The following CRKL variants were observed in gnomAD, a reference collection of about 807,000 sequenced individuals.
The protein encoded by CRKL is CRK like proto-oncogene, adaptor protein.
Under a neutral mutation model 23.0 loss-of-function variants are expected in CRKL, and 3 were observed. The observed-to-expected ratio is 0.13, with a 90% CI of 0.06 to 0.34. The LOEUF (loss-of-function observed/expected upper bound fraction) is 0.34, where lower values mean the gene tolerates loss of function less well. Ranked by LOEUF, CRKL falls within the 10% of genes least tolerant of loss-of-function variation. CRKL has a pLI of 1.00. For synonymous variants in CRKL, 188 were observed against 160.7 expected (o/e 1.17, Z -1.28); for missense variants, 256 against 394.5 (o/e 0.65, Z 2.97).
At chr22:20,942,151 CTGATA>C (rs1179827138) in intron 2 of CRKL, among the ~76,000 whole-genome samples, 1 of 152,206 alleles carries the variant, frequency 6.6e-6, no homozygotes, top group East Asian at 1.9e-4. Flanking sequence ...TTCTACCTAC[CTGATA>C]TAAGTAAAAT....
intron 1 of CRKL, among the ~76,000 whole-genome samples, chr22:20,922,234 G>A (rs972569073): frequency 4.6e-5 from 7 of 151,644 alleles, no homozygotes; most frequent in Non-Finnish European, 8.8e-5. Flanking sequence ...TGTTGGCCAG[G>A]ATGGTCCCTA....
chr22:20,918,289 G>A (rs769663177), intron 1 of CRKL, 44 bp downstream of exon 1: 3 of 1,595,418 alleles, frequency 1.9e-6, no homozygotes, highest in South Asian at 1.1e-5. Context: ...GTCGAGAACC[G>A]GGTCTGTCGA....
rs532930393 is a variant in CRKL, at chr22:20,927,192, A to ATTTTTTTTTTTTTTTTT, written c.312-6585_312-6569dup. On this transcript the variant is annotated intron_variant, in intron 1 of 2. Coordinates refer to ENST00000354336, the MANE Select transcript of CRKL (RefSeq NM_005207.4). The stretch of plus-strand genomic sequence containing the variant: ...AGTACTTAGCTCATCTTGGAATTGA[A>ATTTTTTTTTTTTTTTTT]TTTTTTTTTTTTTTTTTTGAGACAG... Among the ~76,000 whole-genome samples, 157 of 81,960 alleles carry ATTTTTTTTTTTTTTTTT rather than the reference A, an allele frequency of 1.9e-3. 21 individuals carry two copies. The highest frequency in any genetic ancestry group is 8.0e-3 in the African/African-American group (136 of 16,960). The allele number at this position is 81,960 out of a possible 152,430, so 53.8% of individuals were successfully genotyped here.
intron 1 of CRKL, among the ~76,000 whole-genome samples, chr22:20,921,960 G>A (rs988021925): frequency 3.9e-4 from 58 of 149,472 alleles, no homozygotes; most frequent in African/African-American, 1.4e-3. Flanking sequence ...CGCCCGCCTC[G>A]GCCTCCCAAA....
At chr22:20,922,387 C>T (rs1921026705) in intron 1 of CRKL, among the ~76,000 whole-genome samples, 1 of 151,948 alleles carries the variant, frequency 6.6e-6, no homozygotes, top group Non-Finnish European at 1.5e-5. Context: ...AGATCAGGGT[C>T]AGGAATTGGG....
chr22:20,917,577 C>T lies in CRKL; in HGVS notation c.-358C>T, dbSNP rs1929735549. ...CGGGGGTCGGTGAAGACCCGTCGAG[C>T]TGCGGCGCCGGCGCGTTCCAGGCCG... On this transcript the variant is annotated 5_prime_UTR_variant, in exon 1 of 3. Coordinates refer to ENST00000354336, the MANE Select transcript of CRKL (RefSeq NM_005207.4). 2 of 318,586 alleles carry T rather than the reference C, an allele frequency of 6.3e-6. No individual in the cohort carries two copies. The highest frequency in any genetic ancestry group is 1.6e-4 in the South Asian group (2 of 12,610). 19.7% of individuals were successfully genotyped at this position (318,586 alleles called of 1,614,324 possible).
rs528149365 is a variant in CRKL at position 20,942,847 on chromosome 22, G to A, written c.778-6864G>A. ...CATGTTAGCCAGGCTTTGAACTCCT[G>A]ACCTCAACTGATCGCTCACCTCAGC... is the stretch of plus-strand genomic sequence containing the variant. On this transcript the variant is annotated intron_variant, in intron 2 of 2. Coordinates refer to ENST00000354336, the MANE Select transcript of CRKL (RefSeq NM_005207.4). Among the ~76,000 whole-genome samples the A allele has an allele frequency of 7.2e-5, 11 of 152,202 alleles. No homozygotes were observed. In the South Asian group the frequency reaches 2.3e-3, roughly 32 times the overall value.
intron 2 of CRKL, among the ~76,000 whole-genome samples, chr22:20,949,366 A>G (rs938453185): frequency 1.3e-5 from 2 of 152,134 alleles, no homozygotes; most frequent in Non-Finnish European, 2.9e-5. Context: ...ACCTCAAGTA[A>G]TCCCAGGAGT....
chr22:20,943,694 C>A (rs1173915245), intron 2 of CRKL, among the ~76,000 whole-genome samples: 1 of 152,186 alleles, frequency 6.6e-6, no homozygotes, highest in Non-Finnish European at 1.5e-5. Context: ...GCACCCTAGT[C>A]AAAAATCAGT....
rs1327344813 is a variant in CRKL, at chr22:20,917,952, C to T, written c.18C>T (p.Phe6=). The part of the protein sequence containing the change: MSSAR[F]DSSDRSAWYM... ...CCAACACCATGTCCTCCGCCAGGTT[C>T]GACTCCTCGGACCGCTCCGCCTGGT... The change falls in exon 1 of 3, where the codon TTC becomes TTT. Residue 6 remains phenylalanine (F), a synonymous_variant. Coordinates refer to ENST00000354336, the MANE Select transcript of CRKL (RefSeq NM_005207.4). 1 of 1,613,804 alleles carries T rather than the reference C, an allele frequency of 6.2e-7. No individual in the cohort carries two copies. Among genetic ancestry groups the T allele is most frequent in the Non-Finnish European group, 8.5e-7 (1 of 1,179,934 alleles).
At chr22:20,945,271 G>T (rs1406308446) in intron 2 of CRKL, among the ~76,000 whole-genome samples, 2 of 152,120 alleles carry the variant, frequency 1.3e-5, no homozygotes, top group African/African-American at 4.8e-5. Context: ...GGGATTACAG[G>T]CATGAGCCAC....
At chr22:20,936,028 C>T (rs1921646741) in intron 2 of CRKL, among the ~76,000 whole-genome samples, 1 of 152,068 alleles carries the variant, frequency 6.6e-6, no homozygotes, top group Non-Finnish European at 1.5e-5. Context: ...ACGTGGTGGG[C>T]ATGCACCTGT....
At position 20,941,588 on chromosome 22, in the gene CRKL, A is replaced by ATATATTTTTT. The variant is rs1247116681; in HGVS notation, c.777+7345_777+7346insATATTTTTTT. Among the ~76,000 whole-genome samples, 54 of 33,538 alleles carry ATATATTTTTT rather than the reference A, an allele frequency of 1.6e-3. 8 individuals are homozygous for ATATATTTTTT. The highest frequency in any genetic ancestry group is 2.2e-3 in the African/African-American group (18 of 8,260). The allele number at this position is 33,538 out of a possible 152,430, so 22.0% of individuals were successfully genotyped here. A position where few individuals can be genotyped will look rare whatever the true frequency, so the allele number is the denominator to read the frequency against. On this transcript the variant is annotated intron_variant, in intron 2 of 2. Transcript: ENST00000354336. ...TGTGTGTGTGTGTGTGTATATATAT[A>ATATATTTTTT]TTTTTTTTTTTTTTTTTTTTTTTTG...
intron 2 of CRKL, among the ~76,000 whole-genome samples, chr22:20,944,202 T>G (rs1014568036): frequency 3.4e-5 from 5 of 148,388 alleles, no homozygotes; most frequent in Admixed American, 2.8e-4. Context: ...TTGCCCAGAC[T>G]GGTCTCAAAC....
chr22:20,939,233 C>CTTTTTTT (rs140538861), intron 2 of CRKL, among the ~76,000 whole-genome samples: 2 of 75,150 alleles, frequency 2.7e-5, no homozygotes, highest in Non-Finnish European at 4.6e-5. Flanking sequence ...ACATAAGTTG[C>CTTTTTTT]TTTTTTTTTT....
rs200079515 is a variant in CRKL at position 20,935,857 on chromosome 22, A to T, written c.777+1613A>T. Among the ~76,000 whole-genome samples the T allele has an allele frequency of 1.1e-4, 16 of 151,790 alleles. No homozygotes were observed. The East Asian group carries it at 2.6e-3, about 24-fold the overall frequency. ...TTCTTCTAACTAAATATTACTTTTT[A>T]AAAAAACTCTTTCTCAGCTGGGCAC... On this transcript the variant is annotated intron_variant, in intron 2 of 2. Transcript: ENST00000354336.
chr22:20,944,160 T>A (rs868565265), intron 2 of CRKL, among the ~76,000 whole-genome samples: 42 of 146,898 alleles, frequency 2.9e-4, no homozygotes, highest in Middle Eastern at 7.1e-3. Flanking sequence ...TTTTTTTTTT[T>A]AATTTCTTTT....
rs984850719 is a variant in CRKL, at chr22:20,923,231, C to G, written c.311+4986C>G. ...TGGTAATATGGAACCAACATTGAAT[C>G]AGACAGCCCTATCATGCTTCTGAGG... On this transcript the variant is annotated intron_variant, in intron 1 of 2. Coordinates refer to ENST00000354336, the MANE Select transcript of CRKL (RefSeq NM_005207.4). Among the ~76,000 whole-genome samples the G allele has an allele frequency of 7.9e-5, 12 of 152,058 alleles. No individual in the cohort carries two copies. In the East Asian group the frequency reaches 2.3e-3, roughly 29 times the overall value.
At chr22:20,937,963 G>A (rs1921725171) in intron 2 of CRKL, among the ~76,000 whole-genome samples, 2 of 152,162 alleles carry the variant, frequency 1.3e-5, no homozygotes, top group Middle Eastern at 3.4e-3. Context: ...TCCACCTCAC[G>A]GGTTTAAGCG....
Sources: allele counts gnomAD v4.1 joint callset (sites outside exome capture counted in the v4.1 genomes callset), GRCh38; gene constraint gnomAD v4.1.1; transcripts MANE v1.5; gene names NCBI Gene and HGNC (gene_info 2026-07-23, HGNC 2026-07-21).